Variants in TTN observed in about 807,000 individuals in gnomAD.
TTN encodes titin.
A neutral mutation model predicts 3,223.0 loss-of-function variants in TTN; 1,525 were observed. That is an observed-to-expected ratio of 0.47 (90% CI 0.45 to 0.49). The LOEUF (loss-of-function observed/expected upper bound fraction) is 0.49. Ranked by LOEUF, TTN falls within the 20% of genes least tolerant of loss-of-function variation. TTN has a pLI of 0.00. For missense variants in TTN, 40,786 were observed against 43,424.0 expected (o/e 0.94, Z 5.40); for synonymous variants, 14,094 against 15,161.0 (o/e 0.93, Z 5.17).
Position 178,740,561 on chromosome 2 carries a change from A to G in TTN, c.12672T>C (p.Ser4224=). The G allele has an allele frequency of 1.2e-6, 2 of 1,613,824 alleles. No individual in the cohort carries two copies. The highest frequency in any genetic ancestry group is 1.7e-6 in the Non-Finnish European group (2 of 1,179,800). ...PQSSIEPPMH[S]YLTSVAEEVL... is the part of the protein sequence containing the mutation. Reference sequence around the variant, plus strand: ...CTTCCTCAGCCACAGAGGTTAGATAAGAATGCATTGGAGGTTCTATTGAAG... The same window carrying G: ...CTTCCTCAGCCACAGAGGTTAGATAGGAATGCATTGGAGGTTCTATTGAAG... Residue 4224 remains serine (S), a synonymous_variant, in exon 48 of 363, where the codon TCT becomes TCC. Transcript: ENST00000589042.
chr2:178,577,430 T>A lies in TTN; in HGVS notation c.68905A>T (p.Ile22969Phe), dbSNP rs771013967. The change falls in exon 324 of 363, where the codon ATT becomes TTT. Residue 22969 changes from isoleucine to phenylalanine, a missense_variant. Transcript: ENST00000589042. ...KAGDTIVLNA[I>F]SILGKPLPKS... is the part of the protein sequence containing the mutation. ...GGAAGGGGTTTGCCAAGAATGCTAA[T>A]GGCATTCAAAACAATGGTATCCCCT... 3 of 1,610,650 alleles carry A rather than the reference T, an allele frequency of 1.9e-6. No individual in the cohort carries two copies. The East Asian group carries it at 6.7e-5, about 36-fold the overall frequency.
chr2:178,609,379 C>T lies in TTN; in HGVS notation c.51931G>A (p.Glu17311Lys). 1 of 1,612,274 alleles carries T rather than the reference C, an allele frequency of 6.2e-7. No individual in the cohort carries two copies. The highest frequency in any genetic ancestry group is 8.5e-7 in the Non-Finnish European group (1 of 1,179,020). Residue 17311 changes from glutamate (E) to lysine (K), a missense_variant, in exon 273 of 363, where the codon GAA (glutamate) becomes AAA (lysine). By Grantham distance (56) the Glu-to-Lys change is moderately conservative (BLOSUM62 1). Transcript: ENST00000589042. Reference sequence around the variant, plus strand: ...GTCAGAGGCAGGACAAATGGTTCTTCTTCTTGAACTTCACCCTTCCTTCTC... The same window carrying T: ...GTCAGAGGCAGGACAAATGGTTCTTTTTCTTGAACTTCACCCTTCCTTCTC... ...VRRRKGEVQE[E>K]EPFVLPLTQR...
Position 178,601,454 on chromosome 2 carries a change from CAT to C in TTN, c.55541_55542del (p.Tyr18514CysfsTer3), listed in dbSNP as rs1218695159. 1 of 1,612,828 alleles carries C rather than the reference CAT, an allele frequency of 6.2e-7. No homozygotes were observed. The highest frequency in any genetic ancestry group is 1.3e-5 in the African/African-American group (1 of 74,842). On this transcript the variant is annotated frameshift_variant, in exon 287 of 363. Transcript: ENST00000589042. LOFTEE classifies it high-confidence loss of function. ...CCATCAATAGTCCTCTTCTCAATAA[CAT>C]AGCCTTTGATCCTGTCTCCTCCATC... is the stretch of plus-strand genomic sequence containing the variant. ...DDDGGDRIKG[Y>X]VIEKRTIDGK...
Position 178,588,733 on chromosome 2 carries a change from A to T in TTN, c.62992T>A (p.Tyr20998Asn), listed in dbSNP as rs1344599451. 6.2e-7 allele frequency: 1 copy of T among 1,613,148 alleles called. No individual in the cohort carries two copies. Among genetic ancestry groups the T allele is most frequent in the African/African-American group, 1.3e-5 (1 of 74,856 alleles). ...TGCTTTTCCTTTTTCTCCAAAAAGT[A>T]TCCAGTTATAGACTTTCCACCATCA... ...EYDGGKSITG[Y>N]FLEKKEKHST... Residue 20998 changes from tyrosine (Y) to asparagine (N), a missense_variant, in exon 304 of 363, where the codon TAC (tyrosine) becomes AAC (asparagine). By Grantham distance (143) the Tyr-to-Asn change is moderately radical (BLOSUM62 -2). Coordinates refer to ENST00000589042, the MANE Select transcript of TTN (RefSeq NM_001267550.2).
At chr2:178,735,384 C>A in intron 50 of TTN, 127 bp downstream of exon 50, 1 of 977,648 alleles carries the variant, frequency 1.0e-6, no homozygotes. Flanking sequence ...CTTTCCCAAA[C>A]CATAATGTTT....
Position 178,800,659 on chromosome 2 carries a change from C to T in TTN, c.319G>A (p.Val107Ile), listed in dbSNP as rs755127321. The change falls in exon 4 of 363, where the codon GTT (valine) becomes ATT (isoleucine). Residue 107 changes from valine to isoleucine, a missense_variant. By Grantham distance (29) the Val-to-Ile change is conservative. Transcript: ENST00000589042. ...VKAETAPPNF[V>I]QRLQSMTVRQ... ...ACGGTCATGCTCTGCAGTCGTTGAACGAAGTTGGGTGGTGCTGTCTCAGCT... is the reference window on the plus strand; with the variant it reads ...ACGGTCATGCTCTGCAGTCGTTGAATGAAGTTGGGTGGTGCTGTCTCAGCT... 3.7e-6 allele frequency: 6 copies of T among 1,609,596 alleles called. No individual in the cohort carries two copies. The highest frequency in any genetic ancestry group is 3.3e-5 in the Admixed American group (2 of 59,732).
At position 178,722,418 on chromosome 2, in the gene TTN, C is replaced by T. The variant is rs1365674340; in HGVS notation, c.22369G>A (p.Val7457Ile). 2 of 1,613,300 alleles carry T rather than the reference C, an allele frequency of 1.2e-6. No individual in the cohort carries two copies. Among genetic ancestry groups the T allele is most frequent in the African/African-American group, 1.3e-5 (1 of 74,874 alleles). Residue 7457 changes from valine (V) to isoleucine (I), a missense_variant, in exon 77 of 363, where the codon GTA (valine) becomes ATA (isoleucine). Val to Ile is a conservative substitution (Grantham distance 29). Coordinates refer to ENST00000589042, the MANE Select transcript of TTN (RefSeq NM_001267550.2). The stretch of plus-strand genomic sequence containing the variant: ...AGATTTTCATCGTCTCTTAAAAGTA[C>T]TCCATCTCTATACCAGCACACTTGG... ...PIQVCWYRDG[V>I]LLRDDENLQT...
chr2:178,692,025 G>A lies in TTN; in HGVS notation c.31753C>T (p.Pro10585Ser). 1.2e-6 allele frequency: 2 copies of A among 1,612,368 alleles called. No individual in the cohort carries two copies. Among genetic ancestry groups the A allele is most frequent in the Non-Finnish European group, 1.7e-6 (2 of 1,178,930 alleles). The change falls in exon 121 of 363, where the codon CCC becomes TCC. Residue 10585 changes from proline to serine, a missense_variant. Transcript: ENST00000589042. The part of the protein sequence containing the change: ...VPVPKKEPAA[P>S]PKVPEVPKKP... ...ATTGGCTCTGGCGTACCTTTTGGGG[G>A]AGCAGCAGGTTCCTTCTTAGGCACA...
Position 178,529,147 on chromosome 2 carries a change from A to G in TTN, c.106604T>C (p.Val35535Ala), listed in dbSNP as rs368179478. ...TSEITPQKKA[V>A]VQEEISQKAL... ...TTTTTGGGAAATTTCCTCTTGGACA[A>G]CAGCTTTCTTCTGAGGTGTAATTTC... The change falls in exon 360 of 363, where the codon GTT (valine) becomes GCT (alanine). Residue 35535 changes from valine to alanine, a missense_variant. Transcript: ENST00000589042. The G allele has an allele frequency of 8.2e-6, 13 of 1,581,274 alleles. No homozygotes were observed. In the African/African-American group the frequency reaches 1.6e-4, roughly 20 times the overall value.
In TTN at chr2:178,735,611, A is replaced by G. The variant is rs1458464216; in HGVS notation, c.14835T>C (p.Leu4945=). The change falls in exon 50 of 363, where the codon CTT becomes CTC. Residue 4945 remains leucine (L), a synonymous_variant. Coordinates refer to ENST00000589042, the MANE Select transcript of TTN (RefSeq NM_001267550.2). ...CTTTCAGTTTGGCCAAAGGAATCTC[A>G]AGTGTTGCTATTTTATCTTCAAAAC... ...KICFEDKIAT[L]EIPLAKLKDS... is the part of the protein sequence containing the mutation. The G allele has an allele frequency of 6.2e-7, 1 of 1,613,304 alleles. No individual in the cohort carries two copies. The highest frequency in any genetic ancestry group is 1.3e-5 in the African/African-American group (1 of 74,924).
At position 178,564,352 on chromosome 2, in the gene TTN, A is replaced by G. The variant is rs1463389472; in HGVS notation, c.81780T>C (p.Ser27260=). ...AAGNFSEPSD[S]SGAITARDEI... ...CATCTCTTGCAGTAATGGCACCACT[A>G]CTATCAGATGGTTCACTAAAGTTTC... Residue 27260 remains serine, a synonymous_variant, in exon 326 of 363, where the codon AGT becomes AGC. Transcript: ENST00000589042. 1 of 1,613,726 alleles carries G rather than the reference A, an allele frequency of 6.2e-7. No homozygotes were observed. Among genetic ancestry groups the G allele is most frequent in the Admixed American group, 1.7e-5 (1 of 59,994 alleles).
chr2:178,775,685 G>T lies in TTN; in HGVS notation c.6179C>A (p.Thr2060Lys), dbSNP rs775339567. The part of the protein sequence containing the change: ...KKALAEEGKI[T>K]IPTFKPDKIE... Reference sequence around the variant, plus strand: ...CTTGTCAGGTTTAAAAGTTGGAATCGTGATTTTGCCTTCTTCGGCAAGAGC... The same window carrying T: ...CTTGTCAGGTTTAAAAGTTGGAATCTTGATTTTGCCTTCTTCGGCAAGAGC... Residue 2060 changes from threonine to lysine, a missense_variant, in exon 28 of 363, where the codon ACG (threonine) becomes AAG (lysine). Thr to Lys is a moderately conservative substitution (Grantham distance 78). Transcript: ENST00000589042. 6.2e-7 allele frequency: 1 copy of T among 1,613,972 alleles called. No homozygotes were observed. The highest frequency in any genetic ancestry group is 1.1e-5 in the South Asian group (1 of 91,088).
chr2:178,785,992 G>T lies in TTN; in HGVS notation c.2226C>A (p.Ser742=), dbSNP rs151025677. ...GGGGAGGCTCAGCTACCTTTGCGGCGGAAATGCGTTCCTTATATCCGTACT... is the reference window on the plus strand; with the variant it reads ...GGGGAGGCTCAGCTACCTTTGCGGCTGAAATGCGTTCCTTATATCCGTACT... ...TLEYGYKERI[S]AAKVAEPPQR... Residue 742 remains serine (S), a synonymous_variant, in exon 14 of 363, where the codon TCC becomes TCA. Transcript: ENST00000589042. The T allele has an allele frequency of 3.5e-5, 56 of 1,614,058 alleles. No individual in the cohort carries two copies. The East Asian group carries it at 1.2e-3, about 36-fold the overall frequency.
chr2:178,685,632 A>G (rs776071229), intron 127 of TTN, 34 bp from the exon 128 acceptor site: 1 of 1,594,178 alleles, frequency 6.3e-7, no homozygotes, highest in South Asian at 1.1e-5. Flanking sequence ...AAGATAAATT[A>G]CAGTGTTTTT....
chr2:178,715,129 C>G lies in TTN; in HGVS notation c.26057G>C (p.Gly8686Ala). 1 of 1,613,706 alleles carries G rather than the reference C, an allele frequency of 6.2e-7. No individual in the cohort carries two copies. Among genetic ancestry groups the G allele is most frequent in the South Asian group, 1.1e-5 (1 of 91,062 alleles). Residue 8686 changes from glycine to alanine, a missense_variant, in exon 90 of 363, where the codon GGC becomes GCC. Transcript: ENST00000589042. ...CTCAGACATTATCTTGTACTTCTTG[C>G]CGCTCCTAAGTTCTCTCTTGTCTTT... is the stretch of plus-strand genomic sequence containing the variant. ...WYKDKRELRSGKKYKIMSENF... is the reference protein window; with the variant it reads ...WYKDKRELRSAKKYKIMSENF...
In TTN at chr2:178,572,285, C is replaced by T. The variant is rs201694149; in HGVS notation, c.73847G>A (p.Arg24616Gln). The change falls in exon 326 of 363, where the codon CGA (arginine) becomes CAA (glutamine). Residue 24616 changes from arginine (R) to glutamine (Q), a missense_variant. Coordinates refer to ENST00000589042, the MANE Select transcript of TTN (RefSeq NM_001267550.2). ...AGTTATTTTTCCTGGAGGAAGAGGT[C>T]GTTCTGATGCTTTCACAGATTCTGC... is the stretch of plus-strand genomic sequence containing the variant. ...ETAESVKASE[R>Q]PLPPGKITLM... 3.3e-5 allele frequency: 53 copies of T among 1,612,452 alleles called. No individual in the cohort carries two copies. In the Admixed American group the frequency reaches 3.7e-4, roughly 11 times the overall value.
rs1257531175 is a variant in TTN at position 178,677,872 on chromosome 2, T to G, written c.34040A>C (p.Gln11347Pro). Residue 11347 changes from glutamine to proline, a missense_variant, in exon 146 of 363, where the codon CAG (glutamine) becomes CCG (proline). Gln to Pro is a moderately conservative substitution (Grantham distance 76). Transcript: ENST00000589042. ...EPVPVPVALP[Q>P]EEEVLFEEEI... ...TTCTTCAAATAGAACTTCCTCTTCC[T>G]GAGGTAGAGCTACAGGAACTGGAAC... 1 of 1,611,958 alleles carries G rather than the reference T, an allele frequency of 6.2e-7. No individual in the cohort carries two copies. Among genetic ancestry groups the G allele is most frequent in the Non-Finnish European group, 8.5e-7 (1 of 1,178,992 alleles).
In TTN at chr2:178,773,905, A is replaced by G. The variant is rs1392054872; in HGVS notation, c.7263T>C (p.Asp2421=). The G allele has an allele frequency of 6.2e-7, 1 of 1,614,102 alleles. No homozygotes were observed. Among genetic ancestry groups the G allele is most frequent in the South Asian group, 1.1e-5 (1 of 91,082 alleles). The change falls in exon 31 of 363, where the codon GAT becomes GAC. Residue 2421 remains aspartate (D), a synonymous_variant. Transcript: ENST00000589042. ...MLLIEDMTKE[D]AGNYSFTIPA... is the part of the protein sequence containing the mutation. ...GAATGGTGAAAGAGTAATTTCCAGCATCTTCCTTAGTCATGTCTTCAATGA... is the reference window on the plus strand; with the variant it reads ...GAATGGTGAAAGAGTAATTTCCAGCGTCTTCCTTAGTCATGTCTTCAATGA...
Position 178,718,153 on chromosome 2 carries a change from A to T in TTN, c.24853T>A (p.Cys8285Ser), listed in dbSNP as rs757040162. Reference sequence around the variant, plus strand: ...ATTTCTGGAGTTCCATCCACTTTACACTGTAAAGTTGCAGGTTCTCCAATG... The same window carrying T: ...ATTTCTGGAGTTCCATCCACTTTACTCTGTAAAGTTGCAGGTTCTCCAATG... ...AVIGEPATLQ[C>S]KVDGTPEIRI... The change falls in exon 86 of 363, where the codon TGT (cysteine) becomes AGT (serine). Residue 8285 changes from cysteine to serine, a missense_variant. By Grantham distance (112) the Cys-to-Ser change is moderately radical. Transcript: ENST00000589042. The T allele has an allele frequency of 1.2e-6, 2 of 1,607,460 alleles. No homozygotes were observed. Among genetic ancestry groups the T allele is most frequent in the East Asian group, 4.5e-5 (2 of 44,868 alleles).
Sources: allele counts gnomAD v4.1 joint callset, GRCh38; gene constraint gnomAD v4.1.1; transcripts MANE v1.5; gene names NCBI Gene and HGNC (gene_info 2026-07-23, HGNC 2026-07-21).